CYRIA: variants seen among roughly 807,000 people sequenced by gnomAD.
CYRIA encodes the protein CYFIP related Rac1 interactor A, also known as CYFIP-related Rac1 interactor A.
A neutral mutation model predicts 43.9 loss-of-function variants in CYRIA; 15 were observed. The ratio of observed to expected loss-of-function variants is 0.34; its 90% CI spans 0.23 to 0.53. CYRIA has a LOEUF of 0.53. Ranked by LOEUF, CYRIA falls within the 20% of genes least tolerant of loss-of-function variation. The pLI, the probability that CYRIA is intolerant of heterozygous loss-of-function variation, is 0.94. For missense variants in CYRIA, 236 were observed against 394.2 expected (o/e 0.60, Z 3.40); for synonymous variants, 117 against 136.0 (o/e 0.86, Z 0.97).
chr2:16,577,792 A>G (rs1020969377), intron 3 of CYRIA, among the ~76,000 whole-genome samples: 1 of 152,244 alleles, frequency 6.6e-6, no homozygotes, highest in Non-Finnish European at 1.5e-5. Context: ...AAAGGAAAAA[A>G]GATTTTAAGA....
At chr2:16,618,470 C>T (rs1361394488) in intron 2 of CYRIA, among the ~76,000 whole-genome samples, 3 of 152,128 alleles carry the variant, frequency 2.0e-5, no homozygotes, top group African/African-American at 7.2e-5. Context: ...CCCAGCCCAG[C>T]CCATTAGGAA....
At chr2:16,591,731 G>C (rs991459182) in intron 2 of CYRIA, among the ~76,000 whole-genome samples, 1 of 152,124 alleles carries the variant, frequency 6.6e-6, no homozygotes, top group Non-Finnish European at 1.5e-5. Context: ...TATGGTGTGA[G>C]AGCTTATATC....
rs535763140 is a variant in CYRIA, at chr2:16,551,730, G to C, written c.*1206C>G. 6.6e-6 allele frequency: 1 copy of C among 152,158 alleles called. No individual in the cohort carries two copies. The highest frequency in any genetic ancestry group is 2.4e-5 in the African/African-American group (1 of 41,532). The allele number at this position is 152,158 out of a possible 1,614,324, so 9.4% of individuals were successfully genotyped here. A position where few individuals can be genotyped will look rare whatever the true frequency, so the allele number is the denominator to read the frequency against. On this transcript the variant is annotated 3_prime_UTR_variant, in exon 12 of 12. Coordinates refer to ENST00000381323, the MANE Select transcript of CYRIA (RefSeq NM_030797.4). ...GAAGGGCGGAGTCAGTCATTTTATCGGCATTAACCTTACAGGGCTCTTGAA... is the reference window on the plus strand; with the variant it reads ...GAAGGGCGGAGTCAGTCATTTTATCCGCATTAACCTTACAGGGCTCTTGAA...
rs1267646368 is a variant in CYRIA, at chr2:16,564,766, T to C, written c.193-672A>G. ...TTTCACATAAAAAGAGTGTGAAGTTTCTTGCTTTTAAGGTATTGCGAAGTT... is the reference window on the plus strand; with the variant it reads ...TTTCACATAAAAAGAGTGTGAAGTTCCTTGCTTTTAAGGTATTGCGAAGTT... On this transcript the variant is annotated intron_variant, in intron 4 of 11. Coordinates refer to ENST00000381323, the MANE Select transcript of CYRIA (RefSeq NM_030797.4). Among the ~76,000 whole-genome samples, 4 of 152,204 alleles carry C rather than the reference T, an allele frequency of 2.6e-5. No homozygotes were observed. The East Asian group carries it at 5.8e-4, about 22-fold the overall frequency.
At chr2:16,601,725 A>AAAG (rs747824132) in intron 2 of CYRIA, among the ~76,000 whole-genome samples, 12,088 of 151,232 alleles carry the variant, frequency 0.08, 545 homozygotes, top group Middle Eastern at 0.13. Flanking sequence ...AAAAAAAAAA[A>AAAG]AGAGAGAATT....
intron 1 of CYRIA, among the ~76,000 whole-genome samples, chr2:16,635,588 A>C (rs754466944): frequency 6.6e-6 from 1 of 152,160 alleles, no homozygotes; most frequent in South Asian, 2.1e-4. Flanking sequence ...CCCCACAGTG[A>C]CACCAGGCAG....
chr2:16,643,725 T>C (rs956271015), intron 1 of CYRIA, among the ~76,000 whole-genome samples: 1 of 152,222 alleles, frequency 6.6e-6, no homozygotes, highest in Non-Finnish European at 1.5e-5. Context: ...TGTTGCCCAC[T>C]GTTATGTTCC....
chr2:16,660,190 T>A (rs1431849718), intron 1 of CYRIA, among the ~76,000 whole-genome samples: 1 of 152,314 alleles, frequency 6.6e-6, no homozygotes, highest in East Asian at 1.9e-4. Context: ...TCAGGCTAGA[T>A]GTGGAAAGGC....
chr2:16,663,204 C>T (rs1211553414), intron 1 of CYRIA, among the ~76,000 whole-genome samples: 3 of 152,128 alleles, frequency 2.0e-5, no homozygotes, highest in East Asian at 3.9e-4. Flanking sequence ...AAAGCATTCC[C>T]GGTAGGCTAT....
chr2:16,613,261 C>G (rs989164299), intron 2 of CYRIA, among the ~76,000 whole-genome samples: 5 of 152,200 alleles, frequency 3.3e-5, no homozygotes, highest in African/African-American at 1.2e-4. Context: ...GCCTCCACCT[C>G]TGGGCAGGAG....
chr2:16,557,316 C>T (rs544628216), intron 10 of CYRIA, among the ~76,000 whole-genome samples: 19 of 152,236 alleles, frequency 1.2e-4, no homozygotes, highest in African/African-American at 3.9e-4. Context: ...TTCGGCAAAA[C>T]GAGTTTCTCC....
chr2:16,563,866 C>G (rs899555811), intron 5 of CYRIA, 123 bp downstream of exon 5: 1 of 638,218 alleles, frequency 1.6e-6, no homozygotes, highest in African/African-American at 1.9e-5. Flanking sequence ...TAAATGGCCT[C>G]TCATTTGATA....
At chr2:16,624,669 T>C (rs891404396) in intron 1 of CYRIA, among the ~76,000 whole-genome samples, 6 of 152,290 alleles carry the variant, frequency 3.9e-5, no homozygotes, top group Admixed American at 2.0e-4. Context: ...CATGAACTCT[T>C]TTTCCATGAG....
At chr2:16,608,285 C>T (rs556531641) in intron 2 of CYRIA, among the ~76,000 whole-genome samples, 12 of 152,318 alleles carry the variant, frequency 7.9e-5, no homozygotes, top group African/African-American at 2.2e-4. Context: ...CAAATATAAA[C>T]ACTTTTGGGT....
intron 1 of CYRIA, among the ~76,000 whole-genome samples, 172 bp downstream of exon 1, chr2:16,665,608 T>C (rs1418495787): frequency 6.6e-6 from 1 of 151,500 alleles, no homozygotes; most frequent in South Asian, 2.1e-4. Flanking sequence ...CCGGACGGTG[T>C]CCTCCGCTCT....
chr2:16,648,601 C>G (rs971542194), intron 1 of CYRIA, among the ~76,000 whole-genome samples: 5 of 152,202 alleles, frequency 3.3e-5, no homozygotes, highest in Admixed American at 6.5e-5. Flanking sequence ...ATCTCTCTAG[C>G]ATGCAGCTGA....
chr2:16,560,848 G>C, intron 9 of CYRIA, 142 bp downstream of exon 9: 1 of 735,578 alleles, frequency 1.4e-6, no homozygotes, highest in South Asian at 1.6e-5. Flanking sequence ...ACCACTCAGA[G>C]TTCTTAGTGA....
At chr2:16,601,311 G>C (rs1027613514) in intron 2 of CYRIA, among the ~76,000 whole-genome samples, 3 of 152,160 alleles carry the variant, frequency 2.0e-5, no homozygotes, top group Non-Finnish European at 4.4e-5. Context: ...CCAGCTGAGG[G>C]GGTTGGGGGG....
At chr2:16,635,015 G>A (rs944171425) in intron 1 of CYRIA, among the ~76,000 whole-genome samples, 4 of 152,182 alleles carry the variant, frequency 2.6e-5, no homozygotes, top group African/African-American at 7.2e-5. Flanking sequence ...AAGCTCTACC[G>A]CCAACTCACT....
Sources: allele counts gnomAD v4.1 joint callset (sites outside exome capture counted in the v4.1 genomes callset), GRCh38; gene constraint gnomAD v4.1.1; transcripts MANE v1.5; gene names NCBI Gene and HGNC (gene_info 2026-07-23, HGNC 2026-07-21).